MYT1L: variants seen among roughly 807,000 people sequenced by gnomAD.
MYT1L encodes the protein myelin transcription factor 1-like protein.
Under a neutral mutation model 126.7 loss-of-function variants are expected in MYT1L, and 12 were observed. The ratio of observed to expected loss-of-function variants is 0.09; its 90% CI spans 0.06 to 0.15. The LOEUF is 0.15. Ranked by LOEUF, MYT1L falls within the 10% of genes least tolerant of loss-of-function variation. The probability of loss-of-function intolerance (pLI) is 1.00; values close to 1 mark genes in which losing one functional copy is unlikely to be tolerated. For missense variants in MYT1L, 979 were observed against 1,585.2 expected, an observed-to-expected ratio of 0.62 and a Z score of 6.49; for synonymous variants, 541 against 604.2, an observed-to-expected ratio of 0.90 and a Z score of 1.53.
At chr2:2,131,249 GATGCACATTACTT>G (rs2082315967) in intron 3 of MYT1L, among the ~76,000 whole-genome samples, 1 of 152,148 alleles carries the variant, frequency 6.6e-6, no homozygotes. Flanking sequence ...TCCACATTAG[GATGCACATTACTT>G]AGGGGACTTG....
At chr2:2,209,649 A>G (rs1002070650) in intron 2 of MYT1L, among the ~76,000 whole-genome samples, 2 of 152,220 alleles carry the variant, frequency 1.3e-5, no homozygotes, top group Non-Finnish European at 2.9e-5. Flanking sequence ...TAATTAAAAA[A>G]TATATGTATG....
chr2:2,217,843 A>G (rs933389890), intron 2 of MYT1L, among the ~76,000 whole-genome samples: 1 of 152,208 alleles, frequency 6.6e-6, no homozygotes, highest in African/African-American at 2.4e-5. Context: ...TGAATCTAGA[A>G]TACAAAAAGA....
chr2:2,156,080 G>GT (rs1189525590), intron 3 of MYT1L, among the ~76,000 whole-genome samples: 3 of 152,118 alleles, frequency 2.0e-5, no homozygotes, highest in Non-Finnish European at 4.4e-5. Flanking sequence ...TTTTAAAAAG[G>GT]TATTATTACC....
chr2:2,123,127 G>A (rs2081268614), intron 3 of MYT1L, among the ~76,000 whole-genome samples: 1 of 152,110 alleles, frequency 6.6e-6, no homozygotes, highest in Non-Finnish European at 1.5e-5. Context: ...TTTGGGCACA[G>A]CATCACTGCC....
At chr2:1,855,148 T>C (rs866879704) in intron 18 of MYT1L, among the ~76,000 whole-genome samples, 7 of 152,274 alleles carry the variant, frequency 4.6e-5, no homozygotes, top group Middle Eastern at 3.4e-3. Flanking sequence ...TTCCTAGCTT[T>C]AAGAAATCTC....
intron 15 of MYT1L, among the ~76,000 whole-genome samples, chr2:1,891,050 C>T (rs1169763043): frequency 6.6e-6 from 1 of 152,156 alleles, no homozygotes; most frequent in Admixed American, 6.5e-5. Context: ...CCATGCTAAC[C>T]TTGCATTTTT....
intron 3 of MYT1L, among the ~76,000 whole-genome samples, chr2:2,169,899 C>T (rs2089762650): frequency 6.6e-6 from 1 of 152,220 alleles, no homozygotes; most frequent in Non-Finnish European, 1.5e-5. Context: ...TTTGGTTTCA[C>T]ATCCCACACA....
intron 9 of MYT1L, among the ~76,000 whole-genome samples, chr2:1,937,778 C>G (rs2056170699): frequency 1.3e-5 from 2 of 152,228 alleles, no homozygotes; most frequent in Non-Finnish European, 2.9e-5. Context: ...CCGCGGCCAT[C>G]AGATCGCACG....
At chr2:1,973,150 T>C (rs1360626801) in intron 8 of MYT1L, among the ~76,000 whole-genome samples, 1 of 152,228 alleles carries the variant, frequency 6.6e-6, no homozygotes, top group Non-Finnish European at 1.5e-5. Flanking sequence ...TCTCTCTCTC[T>C]GGTGAATTGG....
chr2:2,125,651 A>C (rs973069938), intron 3 of MYT1L, among the ~76,000 whole-genome samples: 2 of 152,246 alleles, frequency 1.3e-5, no homozygotes, highest in Non-Finnish European at 2.9e-5. Flanking sequence ...AGTAATTAGA[A>C]ATAATACAAA....
rs930650552 is a variant in MYT1L at position 1,889,160 on chromosome 2, T to C, written c.2520+81A>G. ...AGAGAAAATATATTTTCTCATAACG[T>C]ATGTGCAAATGGCTTTTCTTTCAGC... On this transcript the variant is annotated intron_variant, in intron 16 of 24. Coordinates refer to ENST00000647738, the MANE Select transcript of MYT1L (RefSeq NM_001303052.2). This position sits in a 1 kb window ranked among gnomAD's most constrained non-coding sequence, Gnocchi z 4.1. 8.7e-6 allele frequency: 9 copies of C among 1,030,654 alleles called. No individual in the cohort carries two copies. The highest frequency in any genetic ancestry group is 1.3e-5 in the Non-Finnish European group (9 of 681,856). 63.8% of individuals were successfully genotyped at this position (1,030,654 alleles called of 1,614,324 possible). A position where few individuals can be genotyped will look rare whatever the true frequency, so the allele number is the denominator to read the frequency against.
intron 13 of MYT1L, 24 bp from the exon 14 acceptor site, chr2:1,903,318 C>CA (rs774412406): frequency 1.3e-6 from 2 of 1,583,578 alleles, no homozygotes; most frequent in South Asian, 2.3e-5. Context: ...AGAAAACAAA[C>CA]AACAGCTTGC....
chr2:1,799,074 G>A (rs1468548967), intron 23 of MYT1L, among the ~76,000 whole-genome samples: 1 of 152,206 alleles, frequency 6.6e-6, no homozygotes, highest in Admixed American at 6.5e-5. Context: ...CTCCGGCTCA[G>A]CGCATTCCCA....
intron 4 of MYT1L, among the ~76,000 whole-genome samples, chr2:2,017,494 C>A (rs2149803081): frequency 6.6e-6 from 1 of 152,338 alleles, no homozygotes; most frequent in East Asian, 1.9e-4. Context: ...CCCCTTCATA[C>A]TGCGAAGGTC....
chr2:2,231,184 A>G (rs1572674559), intron 2 of MYT1L, among the ~76,000 whole-genome samples: 1 of 152,358 alleles, frequency 6.6e-6, no homozygotes, highest in East Asian at 1.9e-4. Flanking sequence ...TGGGAAAAAT[A>G]TTAACAGCTG....
intron 2 of MYT1L, among the ~76,000 whole-genome samples, chr2:2,266,937 T>C (rs2095144895): frequency 6.6e-6 from 1 of 152,344 alleles, no homozygotes; most frequent in Non-Finnish European, 1.5e-5. Context: ...CTTTCCTTTA[T>C]AAATTACCCA....
intron 8 of MYT1L, among the ~76,000 whole-genome samples, chr2:1,976,189 A>G (rs2060169655): frequency 6.6e-6 from 1 of 151,180 alleles, no homozygotes; most frequent in African/African-American, 2.4e-5. Context: ...CTTTTGTCCT[A>G]TTTAGAAGAA....
intron 3 of MYT1L, among the ~76,000 whole-genome samples, chr2:2,085,939 G>A (rs1354677005): frequency 6.6e-6 from 1 of 152,208 alleles, no homozygotes; most frequent in Non-Finnish European, 1.5e-5. Flanking sequence ...CCCCTCCATA[G>A]GTGGGCTTGA....
At chr2:2,105,245 C>G (rs1041751872) in intron 3 of MYT1L, among the ~76,000 whole-genome samples, 2 of 152,114 alleles carry the variant, frequency 1.3e-5, no homozygotes, top group Non-Finnish European at 2.9e-5. Flanking sequence ...GTGGACACCC[C>G]CTCTCTGTGC....
Sources: gnomAD v4.1 joint callset for allele counts (sites outside exome capture counted in the v4.1 genomes callset) on GRCh38, gnomAD v4.1.1 for gene constraint, Gnocchi (gnomAD v3.1) non-coding constraint, MANE v1.5 for transcripts, NCBI Gene and HGNC (gene_info 2026-07-23, HGNC 2026-07-21) for gene names.